GTF2IRD1: variants seen among roughly 807,000 people sequenced by gnomAD.
GTF2IRD1 encodes the protein GTF2I repeat domain containing 1, also known as general transcription factor II-I repeat domain-containing protein 1.
In GTF2IRD1, 26 loss-of-function variants were observed where a neutral mutation model predicts 113.2. That is an observed-to-expected ratio of 0.23 (90% confidence interval 0.17 to 0.32). The LOEUF is 0.32. Among genes scored for constraint, GTF2IRD1 ranks in the 10% least tolerant of loss-of-function variants. GTF2IRD1 has a pLI of 1.00. For synonymous variants in GTF2IRD1, 484 were observed against 529.1 expected (o/e 0.91, Z 1.17); for missense variants, 864 against 1,280.8 (o/e 0.67, Z 4.97).
At chr7:74,538,210 C>T (rs1554350706) in intron 12 of GTF2IRD1, 37 bp downstream of exon 12, 4 of 1,604,866 alleles carry the variant, frequency 2.5e-6, no homozygotes, top group South Asian at 1.1e-5. Flanking sequence ...GTGTGGTGGG[C>T]CGGGAGGGCA....
rs77161672 is a variant in GTF2IRD1 at position 74,471,703 on chromosome 7, A to G, written c.-7+17527A>G. On this transcript the variant is annotated intron_variant, in intron 1 of 26. Coordinates refer to ENST00000424337, the MANE Select transcript of GTF2IRD1 (RefSeq NM_005685.4). ...AAAAAAAAAAAACAAAAAAAAAAAC[A>G]AAAAAAACGGCCGGGTGCGGTGGCT... Among the ~76,000 whole-genome samples, 148 of 97,866 alleles carry G rather than the reference A, an allele frequency of 1.5e-3. 1 individual carries two copies. Among genetic ancestry groups the G allele is most frequent in the African/African-American group, 4.9e-3 (137 of 28,142 alleles). 64.2% of individuals were successfully genotyped at this position (97,866 alleles called of 152,430 possible). A position where few individuals can be genotyped will look rare whatever the true frequency, so the allele number is the denominator to read the frequency against.
At chr7:74,503,508 G>A (rs1796141172) in intron 1 of GTF2IRD1, among the ~76,000 whole-genome samples, 1 of 152,130 alleles carries the variant, frequency 6.6e-6, no homozygotes, top group African/African-American at 2.4e-5. Flanking sequence ...CAGCACTTTG[G>A]GAGGCCAAGG....
intron 21 of GTF2IRD1, 99 bp downstream of exon 21, chr7:74,559,143 C>A (rs587620135): frequency 1.5e-5 from 17 of 1,147,858 alleles, no homozygotes; most frequent in East Asian, 1.4e-4. Context: ...TGCCCTCCCC[C>A]CTGGACAAGG....
intron 1 of GTF2IRD1, among the ~76,000 whole-genome samples, chr7:74,468,570 A>G (rs368027961): frequency 6.7e-6 from 1 of 149,888 alleles, no homozygotes; most frequent in African/African-American, 2.5e-5. Flanking sequence ...GAGACAGGAG[A>G]ATCACTTGAA....
At chr7:74,480,490 G>A (rs950357229) in intron 1 of GTF2IRD1, among the ~76,000 whole-genome samples, 2 of 152,212 alleles carry the variant, frequency 1.3e-5, no homozygotes, top group Admixed American at 6.5e-5. Flanking sequence ...AGTCCCCGCC[G>A]GCTGACAGCC....
intron 1 of GTF2IRD1, among the ~76,000 whole-genome samples, chr7:74,473,209 C>T (rs533702847): frequency 1.2e-4 from 19 of 152,258 alleles, no homozygotes; most frequent in African/African-American, 3.8e-4. Flanking sequence ...GGATGACAAC[C>T]AGAAGAGCTT....
At chr7:74,546,958 G>C (rs1798979605) in intron 16 of GTF2IRD1, 145 bp from the exon 17 acceptor site, 1 of 718,038 alleles carries the variant, frequency 1.4e-6, no homozygotes, top group Non-Finnish European at 2.4e-6. Context: ...AGGCTGGGGG[G>C]CCACTCTTTC....
At position 74,544,774 on chromosome 7, in the gene GTF2IRD1, C is replaced by T. The variant is rs782194601; in HGVS notation, c.1638C>T (p.Asp546=). ...TTTTAGACAAAGGTCTGAGTGAGGACGCGCGGCCCGAGGAGAGGCCCGTGG... is the reference window on the plus strand; with the variant it reads ...TTTTAGACAAAGGTCTGAGTGAGGATGCGCGGCCCGAGGAGAGGCCCGTGG... ...EMLTDKGLSE[D]ARPEERPVED... The change falls in exon 15 of 27, where the codon GAC becomes GAT. Residue 546 remains aspartate, a synonymous_variant. Transcript: ENST00000424337. 8 of 1,613,806 alleles carry T rather than the reference C, an allele frequency of 5.0e-6. No individual in the cohort carries two copies. The highest frequency in any genetic ancestry group is 2.2e-5 in the South Asian group (2 of 91,070).
chr7:74,591,207 A>G (rs1427263763), intron 24 of GTF2IRD1, among the ~76,000 whole-genome samples, 190 bp downstream of exon 24: 1 of 151,994 alleles, frequency 6.6e-6, no homozygotes, highest in Non-Finnish European at 1.5e-5. Flanking sequence ...TTTTTTAGAT[A>G]TTACATTTGT....
intron 26 of GTF2IRD1, 106 bp downstream of exon 26, chr7:74,601,286 A>G: frequency 6.5e-7 from 1 of 1,548,172 alleles, no homozygotes; most frequent in Non-Finnish European, 8.7e-7. Context: ...ACGGGGAGGC[A>G]CTGGGCTTTG....
intron 1 of GTF2IRD1, among the ~76,000 whole-genome samples, chr7:74,481,838 G>A (rs1159945124): frequency 2.0e-5 from 3 of 152,244 alleles, no homozygotes; most frequent in African/African-American, 7.2e-5. Context: ...AGCGAAGGGT[G>A]GGAACAGAGT....
chr7:74,507,780 G>C (rs1459493741), intron 1 of GTF2IRD1: 1 of 329,816 alleles, frequency 3.0e-6, no homozygotes, highest in African/African-American at 2.1e-5. Flanking sequence ...TGCACACGCC[G>C]GGAGAGGTGG....
intron 1 of GTF2IRD1, among the ~76,000 whole-genome samples, chr7:74,482,081 C>T (rs1584489641): frequency 6.6e-6 from 1 of 152,146 alleles, no homozygotes; most frequent in Admixed American, 6.6e-5. Flanking sequence ...CCAGAGGAGG[C>T]TGGAGGTGGA....
intron 1 of GTF2IRD1, among the ~76,000 whole-genome samples, chr7:74,486,384 C>CTG (rs1226459138): frequency 6.6e-6 from 1 of 152,230 alleles, no homozygotes; most frequent in East Asian, 1.9e-4. Flanking sequence ...ATCTCTCTCT[C>CTG]TCTCCTCTGG....
At chr7:74,476,950 T>A (rs888660611) in intron 1 of GTF2IRD1, among the ~76,000 whole-genome samples, 2 of 152,048 alleles carry the variant, frequency 1.3e-5, no homozygotes, top group Non-Finnish European at 2.9e-5. Context: ...TCCCACAGCA[T>A]CTAAAAGACG....
At position 74,578,758 on chromosome 7, in the gene GTF2IRD1, G is replaced by A. The variant is rs587609833; in HGVS notation, c.2321-11093G>A. 3.9e-5 allele frequency among the ~76,000 whole-genome samples: 6 copies of A among 152,320 alleles called. No individual in the cohort carries two copies. The South Asian group carries it at 1.2e-3, about 32-fold the overall frequency. ...TGTCTGTAAACCCAGCACTGTGGCA[G>A]GCCACGACGGGAGGATCCCTTGAGC... On this transcript the variant is annotated intron_variant, in intron 22 of 26. Transcript: ENST00000424337.
rs782672352 is a variant in GTF2IRD1 at position 74,547,196 on chromosome 7, G to C, written c.1826G>C (p.Gly609Ala). The C allele has an allele frequency of 6.2e-7, 1 of 1,613,626 alleles. No individual in the cohort carries two copies. The highest frequency in any genetic ancestry group is 2.2e-5 in the East Asian group (1 of 44,882). The part of the protein sequence containing the change: ...EELFVVGLPE[G>A]ISLRRPNCFG... ...CTGTTTGTGGTGGGACTGCCTGAAG[G>C]CATCTCCCTCCGCAGGCCCAACTGC... Residue 609 changes from glycine to alanine, a missense_variant, in exon 17 of 27, where the codon GGC becomes GCC. Physicochemically the swap from Gly to Ala is moderately conservative, Grantham distance 60 (BLOSUM62 0). Coordinates refer to ENST00000424337, the MANE Select transcript of GTF2IRD1 (RefSeq NM_005685.4).
chr7:74,538,696 G>A lies in GTF2IRD1; in HGVS notation c.1464G>A (p.Leu488=), dbSNP rs1206340496. Residue 488 remains leucine (L), a synonymous_variant, in exon 13 of 27, where the codon CTG becomes CTA. Transcript: ENST00000424337. ...TCCTTGCAGGAACCTCCGGGGAGCT[G>A]GGCGGGCTGAGGCCGATCAAAATTG... ...EDCGPGTSGE[L]GGLRPIKIEP... 2.2e-5 allele frequency: 35 copies of A among 1,602,446 alleles called. No individual in the cohort carries two copies. The highest frequency in any genetic ancestry group is 2.9e-5 in the Non-Finnish European group (34 of 1,169,408).
intron 22 of GTF2IRD1, among the ~76,000 whole-genome samples, chr7:74,577,521 A>G (rs1411111763): frequency 3.9e-5 from 6 of 152,198 alleles, no homozygotes; most frequent in Non-Finnish European, 7.3e-5. Flanking sequence ...CATACTCACA[A>G]TAGCATCATC....
Sources: allele counts gnomAD v4.1 joint callset (sites outside exome capture counted in the v4.1 genomes callset), GRCh38; gene constraint gnomAD v4.1.1; transcripts MANE v1.5; gene names NCBI Gene and HGNC (gene_info 2026-07-23, HGNC 2026-07-21).